Variants in LRRC7 observed in about 807,000 individuals in gnomAD.
LRRC7 encodes the protein leucine-rich repeat-containing protein 7.
A neutral mutation model predicts 175.7 loss-of-function variants in LRRC7; 23 were observed. That is an observed-to-expected ratio of 0.13 (90% CI 0.09 to 0.19). The LOEUF is 0.19. Ranked by LOEUF, LRRC7 falls within the 10% of genes least tolerant of loss-of-function variation. LRRC7 has a pLI of 1.00. For synonymous variants in LRRC7, 685 were observed against 680.9 expected (o/e 1.01, Z -0.09); for missense variants, 1,354 against 1,904.7 (o/e 0.71, Z 5.38).
chr1:70,040,459 G>A (rs1199992056), intron 21 of LRRC7, among the ~76,000 whole-genome samples: 2 of 152,068 alleles, frequency 1.3e-5, no homozygotes. Flanking sequence ...TCTTTATGAA[G>A]ACAGCAAACA....
At chr1:69,880,246 A>C (rs903659429) in intron 7 of LRRC7, among the ~76,000 whole-genome samples, 3 of 152,166 alleles carry the variant, frequency 2.0e-5, no homozygotes, top group African/African-American at 7.2e-5. Context: ...AGTCACTGCA[A>C]GATGCTCTCA....
intron 8 of LRRC7, among the ~76,000 whole-genome samples, chr1:69,954,459 G>A (rs1410452541): frequency 9.2e-5 from 14 of 151,952 alleles, no homozygotes; most frequent in Non-Finnish European, 1.6e-4. Context: ...CTGACTTGGC[G>A]AGCATCCACC....
At chr1:69,576,432 T>C (rs534158611) in intron 1 of LRRC7, among the ~76,000 whole-genome samples, 75 of 152,326 alleles carry the variant, frequency 4.9e-4, no homozygotes, top group African/African-American at 1.7e-3. Flanking sequence ...TAAGGCAAGA[T>C]GTTTTATAAC....
intron 8 of LRRC7, among the ~76,000 whole-genome samples, chr1:69,939,234 A>G (rs956397245): frequency 1.3e-5 from 2 of 151,914 alleles, no homozygotes; most frequent in African/African-American, 2.4e-5. Flanking sequence ...GTATGAGAGA[A>G]CTGAAGGAGC....
At chr1:70,003,835 T>TA (rs1299413971) in intron 11 of LRRC7, among the ~76,000 whole-genome samples, 2 of 151,346 alleles carry the variant, frequency 1.3e-5, no homozygotes, top group Non-Finnish European at 1.5e-5. Flanking sequence ...ACTTGGAACA[T>TA]ATAGTATCTT....
chr1:69,856,964 C>T (rs1046665425), intron 7 of LRRC7, among the ~76,000 whole-genome samples: 2 of 152,096 alleles, frequency 1.3e-5, no homozygotes, highest in African/African-American at 2.4e-5. Context: ...TCAACATACA[C>T]AAATCAATAA....
chr1:69,717,762 A>AAAGAAAG lies in LRRC7; in HGVS notation c.100+39286_100+39287insGAAAGAA, dbSNP rs1557640309. ...ATTTAAAAGATATTGGAACATGAAA[A>AAAGAAAG]AAAGAAAAAAAGAAAGAAAGAAAGA... On this transcript the variant is annotated intron_variant, in intron 2 of 26. Transcript: ENST00000651989. 1.3e-3 allele frequency among the ~76,000 whole-genome samples: 54 copies of AAAGAAAG among 40,836 alleles called. 15 individuals carry two copies. The highest frequency in any genetic ancestry group is 3.5e-3 in the East Asian group (7 of 1,992). 26.8% of individuals were successfully genotyped at this position (40,836 alleles called of 152,430 possible). A position where few individuals can be genotyped will look rare whatever the true frequency, so the allele number is the denominator to read the frequency against.
Position 70,127,046 on chromosome 1 carries a change from G to A in LRRC7, c.*5159G>A, listed in dbSNP as rs1250670060. ...GATGGTTACAGCTCCCAATTTGGGA[G>A]GAACTTTCTTGGGTAACGCAGGAAC... On this transcript the variant is annotated 3_prime_UTR_variant, in exon 27 of 27. Transcript: ENST00000651989. Among the ~76,000 whole-genome samples the A allele has an allele frequency of 6.6e-6, 1 of 152,194 alleles. No homozygotes were observed. The highest frequency in any genetic ancestry group is 1.5e-5 in the Non-Finnish European group (1 of 68,026).
At chr1:69,803,887 T>G (rs1676809417) in intron 4 of LRRC7, among the ~76,000 whole-genome samples, 1 of 151,406 alleles carries the variant, frequency 6.6e-6, no homozygotes, top group Admixed American at 6.6e-5. Flanking sequence ...TTCACACCAT[T>G]TATCTTTTAG....
chr1:70,056,771 C>T (rs1482195250), intron 23 of LRRC7, among the ~76,000 whole-genome samples: 1 of 151,938 alleles, frequency 6.6e-6, no homozygotes, highest in Non-Finnish European at 1.5e-5. Flanking sequence ...GATCAGTTGG[C>T]GTAGAGTAGA....
Position 69,568,552 on chromosome 1 carries a change from T to G in LRRC7, c.-88T>G, listed in dbSNP as rs952209772. The stretch of plus-strand genomic sequence containing the variant: ...CCGAAGACCCTGGCGCCCACTCCAC[T>G]GCGGACCCCTGAACACTTAAGGAAT... On this transcript the variant is annotated 5_prime_UTR_variant, in exon 1 of 27. Coordinates refer to ENST00000651989, the MANE Select transcript of LRRC7 (RefSeq NM_001370785.2). 6.2e-6 allele frequency: 8 copies of G among 1,285,268 alleles called. No homozygotes were observed. Among genetic ancestry groups the G allele is most frequent in the Non-Finnish European group, 5.2e-6 (5 of 969,146 alleles). 79.6% of individuals were successfully genotyped at this position (1,285,268 alleles called of 1,614,324 possible). A position where few individuals can be genotyped will look rare whatever the true frequency, so the allele number is the denominator to read the frequency against.
rs544174700 is a variant in LRRC7, at chr1:69,808,494, T to C, written c.421+16334T>C. Among the ~76,000 whole-genome samples the C allele has an allele frequency of 3.3e-5, 5 of 152,140 alleles. No homozygotes were observed. The South Asian group carries it at 8.3e-4, about 25-fold the overall frequency. ...GCACCACATTGCACTTATTCTAAAA[T>C]TGACCACATAATTGGAAGTAAAACA... On this transcript the variant is annotated intron_variant, in intron 4 of 26. Transcript: ENST00000651989.
chr1:69,729,040 A>G (rs577923983), intron 2 of LRRC7, among the ~76,000 whole-genome samples: 2 of 152,290 alleles, frequency 1.3e-5, no homozygotes, highest in African/African-American at 4.8e-5. Context: ...AAAGGCAGGG[A>G]AAGCCCCTTA....
At chr1:69,705,510 T>A (rs751942391) in intron 2 of LRRC7, among the ~76,000 whole-genome samples, 1 of 152,138 alleles carries the variant, frequency 6.6e-6, no homozygotes, top group African/African-American at 2.4e-5. Flanking sequence ...ATCCAGGGCA[T>A]ACACACAGAT....
intron 1 of LRRC7, among the ~76,000 whole-genome samples, chr1:69,675,463 G>A (rs149348913): frequency 9.9e-5 from 15 of 152,208 alleles, no homozygotes; most frequent in African/African-American, 3.6e-4. Context: ...AACATAACTT[G>A]TCATTCCCCA....
chr1:70,064,538 A>C (rs1661824775), intron 23 of LRRC7, among the ~76,000 whole-genome samples: 1 of 151,934 alleles, frequency 6.6e-6, no homozygotes, highest in Non-Finnish European at 1.5e-5. Context: ...AAAAAAAATC[A>C]GAAAACATTA....
intron 8 of LRRC7, among the ~76,000 whole-genome samples, chr1:69,956,623 C>T (rs1650514016): frequency 6.6e-6 from 1 of 151,374 alleles, no homozygotes; most frequent in Non-Finnish European, 1.5e-5. Flanking sequence ...AAATATCCAG[C>T]AATAGTTACA....
rs528809109 is a variant in LRRC7 at position 69,614,891 on chromosome 1, A to G, written c.2+46250A>G. 5.9e-5 allele frequency among the ~76,000 whole-genome samples: 9 copies of G among 152,180 alleles called. No homozygotes were observed. In the South Asian group the frequency reaches 1.9e-3, roughly 31 times the overall value. On this transcript the variant is annotated intron_variant, in intron 1 of 26. Coordinates refer to ENST00000651989, the MANE Select transcript of LRRC7 (RefSeq NM_001370785.2). ...GCATGGGTTCTAGAAAAAGTCTCTC[A>G]GTGTGACATATAGATACCTTCACAA...
Position 69,618,019 on chromosome 1 carries a change from T to C in LRRC7, c.2+49378T>C, listed in dbSNP as rs554185774. The stretch of plus-strand genomic sequence containing the variant: ...GGAAGACACTGGCCCATAACAATTA[T>C]GAAATCTGACTAGACAAAATGGGAA... On this transcript the variant is annotated intron_variant, in intron 1 of 26. Transcript: ENST00000651989. Among the ~76,000 whole-genome samples, 5 of 152,266 alleles carry C rather than the reference T, an allele frequency of 3.3e-5. No individual in the cohort carries two copies. The South Asian group carries it at 8.3e-4, about 25-fold the overall frequency.
Sources: allele counts gnomAD v4.1 joint callset (sites outside exome capture counted in the v4.1 genomes callset), GRCh38; gene constraint gnomAD v4.1.1; transcripts MANE v1.5; gene names NCBI Gene and HGNC (gene_info 2026-07-23, HGNC 2026-07-21).